The following COX10 variants were observed in gnomAD, a reference collection of about 807,000 sequenced individuals.
COX10 encodes the protein cytochrome c oxidase assembly factor heme A:farnesyltransferase COX10.
Under a neutral mutation model 37.3 loss-of-function variants are expected in COX10, and 27 were observed. The ratio of observed to expected loss-of-function variants is 0.72; its 90% CI spans 0.53 to 1.00. The LOEUF (loss-of-function observed/expected upper bound fraction) is 1.00. Among genes scored for constraint, COX10 ranks in the 50% least tolerant of loss-of-function variants. The pLI is 0.00. For missense variants in COX10, 475 were observed against 563.2 expected (o/e 0.84, Z 1.59); for synonymous variants, 222 against 229.1 (o/e 0.97, Z 0.28).
intron 5 of COX10, among the ~76,000 whole-genome samples, chr17:14,165,611 A>T (rs1905264368): frequency 6.6e-6 from 1 of 152,164 alleles, no homozygotes; most frequent in Admixed American, 6.5e-5. Context: ...ATAACCCTAC[A>T]ATAGCCTTGT....
At chr17:14,095,360 G>T (rs185671131) in intron 3 of COX10, among the ~76,000 whole-genome samples, 5 of 152,226 alleles carry the variant, frequency 3.3e-5, no homozygotes, top group Admixed American at 1.3e-4. Flanking sequence ...AATACTTACA[G>T]CGAACTCTGT....
At chr17:14,131,643 A>C (rs1157021383) in intron 4 of COX10, among the ~76,000 whole-genome samples, 1 of 152,044 alleles carries the variant, frequency 6.6e-6, no homozygotes, top group African/African-American at 2.4e-5. Flanking sequence ...AAATGTTCTG[A>C]TGACAATAAT....
At position 14,102,117 on chromosome 17, in the gene COX10, G is replaced by A; in HGVS notation, c.500-1G>A. 4 of 1,613,548 alleles carry A rather than the reference G, an allele frequency of 2.5e-6. No individual in the cohort carries two copies. The highest frequency in any genetic ancestry group is 3.4e-6 in the Non-Finnish European group (4 of 1,179,644). On this transcript the variant is annotated splice_acceptor_variant, in intron 3 of 6. Transcript: ENST00000261643. LOFTEE classifies it high-confidence loss of function. ...GTGTCTGCTCTGTTTCTGTATCGCA[G>A]CTCTGGTTGTAAGTACCACTGCAGC...
At position 14,076,802 on chromosome 17, in the gene COX10, CT is replaced by C. The variant is rs1567585619; in HGVS notation, c.248del (p.Phe83SerfsTer17). ...CCCAAGCCAGAACCAGTAGCATCTC[CT>C]TTCCTTGAAAAAACATCTTCAGGTC... ...VRPKPEPVAS[P>X]FLEKTSSGQA... On this transcript the variant is annotated frameshift_variant, in exon 3 of 7. Coordinates refer to ENST00000261643, the MANE Select transcript of COX10 (RefSeq NM_001303.4). LOFTEE classifies it high-confidence loss of function. The C allele has an allele frequency of 6.2e-7, 1 of 1,614,134 alleles. No individual in the cohort carries two copies.
intron 4 of COX10, among the ~76,000 whole-genome samples, chr17:14,157,861 A>G (rs909536544): frequency 6.6e-6 from 1 of 152,260 alleles, no homozygotes; most frequent in Non-Finnish European, 1.5e-5. Context: ...TAACATGTGT[A>G]GCCCATCCTT....
chr17:14,172,893 A>G (rs1400624837), intron 5 of COX10, among the ~76,000 whole-genome samples: 2 of 151,954 alleles, frequency 1.3e-5, no homozygotes, highest in Non-Finnish European at 2.9e-5. Flanking sequence ...GTGTCTCACT[A>G]TGTTGCCCAG....
chr17:14,070,468 G>A (rs1042332932), intron 1 of COX10, among the ~76,000 whole-genome samples: 2 of 152,152 alleles, frequency 1.3e-5, no homozygotes, highest in African/African-American at 4.8e-5. Context: ...TGTTTCCAGT[G>A]CCCAGAACAG....
intron 4 of COX10, among the ~76,000 whole-genome samples, chr17:14,141,730 T>A (rs1904550997): frequency 6.6e-6 from 1 of 152,110 alleles, no homozygotes; most frequent in Non-Finnish European, 1.5e-5. Flanking sequence ...AATTGCAGAT[T>A]TCATTATATT....
chr17:14,086,927 T>G (rs989384629), intron 3 of COX10, among the ~76,000 whole-genome samples: 1 of 152,228 alleles, frequency 6.6e-6, no homozygotes, highest in Non-Finnish European at 1.5e-5. Flanking sequence ...AAATGTGTTA[T>G]GTAGAGTGCT....
At chr17:14,129,694 T>C (rs937753537) in intron 4 of COX10, among the ~76,000 whole-genome samples, 2 of 152,212 alleles carry the variant, frequency 1.3e-5, no homozygotes, top group African/African-American at 2.4e-5. Context: ...TGTGTTCCTT[T>C]AGCAAAAGAC....
chr17:14,073,727 G>A (rs1915081863), intron 1 of COX10, among the ~76,000 whole-genome samples: 2 of 152,240 alleles, frequency 1.3e-5, no homozygotes, highest in East Asian at 1.9e-4. Flanking sequence ...ATGGCTTGTC[G>A]GAGGCTTGAG....
At chr17:14,123,446 G>A (rs1262327019) in intron 4 of COX10, among the ~76,000 whole-genome samples, 2 of 152,170 alleles carry the variant, frequency 1.3e-5, no homozygotes, top group African/African-American at 4.8e-5. Context: ...TATTATTGAT[G>A]TGTGAGCTAT....
intron 4 of COX10, among the ~76,000 whole-genome samples, chr17:14,142,825 A>G (rs1904587725): frequency 6.6e-6 from 1 of 152,132 alleles, no homozygotes; most frequent in South Asian, 2.1e-4. Context: ...ATCATGTATT[A>G]CTCTTTCAGG....
chr17:14,155,490 T>A (rs12944700), intron 4 of COX10, among the ~76,000 whole-genome samples: 17,532 of 151,960 alleles, frequency 0.12, 1,174 homozygotes, highest in South Asian at 0.19. Flanking sequence ...CCGAGTCAGA[T>A]GGATCACAAG....
intron 4 of COX10, among the ~76,000 whole-genome samples, chr17:14,137,075 G>A (rs1904395111): frequency 1.3e-5 from 2 of 151,854 alleles, no homozygotes; most frequent in South Asian, 4.1e-4. Context: ...TTTACCAAGA[G>A]TTGGTGAGGA....
At chr17:14,176,255 A>G (rs559509012) in intron 5 of COX10, among the ~76,000 whole-genome samples, 4 of 152,076 alleles carry the variant, frequency 2.6e-5, no homozygotes, top group Admixed American at 6.5e-5. Context: ...TTACAGTGCT[A>G]TAGCTCTGTC....
chr17:14,161,222 CTG>C (rs1905164602), intron 5 of COX10, among the ~76,000 whole-genome samples: 1 of 152,150 alleles, frequency 6.6e-6, no homozygotes, highest in South Asian at 2.1e-4. Context: ...ATTGGCAACA[CTG>C]TCCTTTTAAA....
intron 5 of COX10, among the ~76,000 whole-genome samples, chr17:14,160,739 T>C (rs1402584130): frequency 6.6e-6 from 1 of 152,236 alleles, no homozygotes; most frequent in Non-Finnish European, 1.5e-5. Flanking sequence ...TAATATTAGC[T>C]GGTTTTAGAC....
At chr17:14,186,269 T>C (rs998182780) in intron 5 of COX10, among the ~76,000 whole-genome samples, 2 of 151,996 alleles carry the variant, frequency 1.3e-5, no homozygotes, top group African/African-American at 4.8e-5. Context: ...CCCAGAGGTC[T>C]CTGTATGTGG....
Sources: gnomAD v4.1 joint callset for allele counts (sites outside exome capture counted in the v4.1 genomes callset) on GRCh38, gnomAD v4.1.1 for gene constraint, MANE v1.5 for transcripts, NCBI Gene and HGNC (gene_info 2026-07-23, HGNC 2026-07-21) for gene names.